Variants in ITIH4 observed in about 807,000 individuals in gnomAD.
ITIH4 encodes the protein inter-alpha-trypsin inhibitor heavy chain H4.
A neutral mutation model predicts 111.8 loss-of-function variants in ITIH4; 79 were observed. That is an observed-to-expected ratio of 0.71 (90% CI 0.59 to 0.85). ITIH4 has a LOEUF of 0.85. ITIH4 is among the 40% of genes least tolerant of loss of function. The probability of loss-of-function intolerance (pLI) is 0.00; values close to 1 mark genes in which losing one functional copy is unlikely to be tolerated. For missense variants in ITIH4, 1,065 were observed against 1,195.8 expected (o/e 0.89, Z 1.61); for synonymous variants, 472 against 468.3 (o/e 1.01, Z -0.10).
chr3:52,826,448 G>C, intron 5 of ITIH4, 93 bp downstream of exon 5: 1 of 907,372 alleles, frequency 1.1e-6, no homozygotes, highest in Non-Finnish European at 1.8e-6. Context: ...ACAGGAGGGA[G>C]AGCCCATCCT....
chr3:52,819,365 GC>G, intron 17 of ITIH4, 27 bp downstream of exon 17: 1 of 1,613,460 alleles, frequency 6.2e-7, no homozygotes, highest in Non-Finnish European at 8.5e-7. Flanking sequence ...GGAAACCGAG[GC>G]CCTCGCAGGG....
chr3:52,823,749 GTTGGGGGTGTCATAAAGGC>G lies in ITIH4; in HGVS notation c.1354-27_1354-9del, dbSNP rs1449117632. 1 of 1,614,108 alleles carries G rather than the reference GTTGGGGGTGTCATAAAGGC, an allele frequency of 6.2e-7. No individual in the cohort carries two copies. The highest frequency in any genetic ancestry group is 8.5e-7 in the Non-Finnish European group (1 of 1,179,976). ...CACTTCCTGGTAGAAGTCCTGCAGG[GTTGGGGGTGTCATAAAGGC>G]TGGGCTTTATGACTGCCCACTTCTC... On this transcript the variant is annotated splice_polypyrimidine_tract_variant and intron_variant, in intron 10 of 23. Transcript: ENST00000266041.
In ITIH4 at chr3:52,824,443, G is replaced by A. The variant is rs142248896; in HGVS notation, c.999C>T (p.Asn333=). 2.3e-4 allele frequency: 378 copies of A among 1,614,176 alleles called. 3 individuals carry two copies. Among genetic ancestry groups the A allele is most frequent in the South Asian group, 2.1e-3 (193 of 91,082 alleles). ...RPSLVPASAE[N]VNKARSFAAG... is the part of the protein sequence containing the mutation. The stretch of plus-strand genomic sequence containing the variant: ...CAGCAAAGCTCCTGGCCTTGTTCAC[G>A]TTCTCGGCTGAGGCTGGCACCAGTG... The change falls in exon 8 of 24, where the codon AAC becomes AAT. Residue 333 remains asparagine, a synonymous_variant. Transcript: ENST00000266041. This position sits in a 1 kb window ranked among gnomAD's most constrained non-coding sequence, Gnocchi z 4.3.
intron 2 of ITIH4, among the ~76,000 whole-genome samples, 164 bp from the exon 3 acceptor site, chr3:52,827,361 A>C (rs1700500420): frequency 6.6e-6 from 1 of 152,120 alleles, no homozygotes; most frequent in Non-Finnish European, 1.5e-5. Context: ...CGCATACAGG[A>C]CCCTGTGCAG....
intron 20 of ITIH4, 115 bp from the exon 21 acceptor site, chr3:52,817,173 T>C (rs1204113356): frequency 2.5e-6 from 2 of 792,500 alleles, no homozygotes; most frequent in African/African-American, 1.7e-5. Flanking sequence ...GCTCCCTCCC[T>C]CATCAGGAGG....
chr3:52,823,982 G>A lies in ITIH4; in HGVS notation c.1194C>T (p.Ile398=), dbSNP rs1700440081. 1 of 1,577,570 alleles carries A rather than the reference G, an allele frequency of 6.3e-7. No homozygotes were observed. Among genetic ancestry groups the A allele is most frequent in the Admixed American group, 1.8e-5 (1 of 55,772 alleles). Residue 398 remains isoleucine, a synonymous_variant, in exon 10 of 24, where the codon ATC becomes ATT. Coordinates refer to ENST00000266041, the MANE Select transcript of ITIH4 (RefSeq NM_002218.5). ...PTVGETNPRS[I]QNNVREAVSG... is the part of the protein sequence containing the mutation. ...TTACAGCTTCCCGCACGTTATTCTGGATGCTCCTGGGGTTAGTCTCCCCTG... is the reference window on the plus strand; with the variant it reads ...TTACAGCTTCCCGCACGTTATTCTGAATGCTCCTGGGGTTAGTCTCCCCTG...
At chr3:52,815,246 C>CTT (rs59772931) in intron 21 of ITIH4, among the ~76,000 whole-genome samples, 16 of 139,122 alleles carry the variant, frequency 1.2e-4, no homozygotes, top group South Asian at 6.8e-4. Flanking sequence ...TTTCTTTTTT[C>CTT]TTTTTTTTTT....
chr3:52,822,893 C>T (rs1410536482), intron 11 of ITIH4, among the ~76,000 whole-genome samples: 2 of 152,178 alleles, frequency 1.3e-5, no homozygotes, highest in African/African-American at 4.8e-5. Context: ...GAAGCCCTCC[C>T]TGATCCCCAG....
Position 52,824,480 on chromosome 3 carries a change from T to C in ITIH4, c.962A>G (p.Gln321Arg). The C allele has an allele frequency of 6.2e-7, 1 of 1,614,168 alleles. No individual in the cohort carries two copies. The highest frequency in any genetic ancestry group is 8.5e-7 in the Non-Finnish European group (1 of 1,180,032). ...GGCTGGCACCAGTGATGGCCTCCAC[T>C]GAGTTGCTTCTGTACTGAAGACGAT... ...NLIVFSTEATQWRPSLVPASA... is the reference protein window; with the variant it reads ...NLIVFSTEATRWRPSLVPASA... Residue 321 changes from glutamine to arginine, a missense_variant, in exon 8 of 24, where the codon CAG becomes CGG. Transcript: ENST00000266041. The surrounding 1 kb of genome is among the most constrained non-coding windows in gnomAD (Gnocchi z 4.3).
intron 23 of ITIH4, 105 bp downstream of exon 23, chr3:52,813,870 G>C (rs948994047): frequency 1.1e-6 from 1 of 875,364 alleles, no homozygotes; most frequent in Non-Finnish European, 1.9e-6. Context: ...ACTGTGTCTA[G>C]TTCCTGGGCA....
rs759263040 is a variant in ITIH4, at chr3:52,818,045, C to G, written c.2296+7G>C. 2 of 1,608,244 alleles carry G rather than the reference C, an allele frequency of 1.2e-6. No individual in the cohort carries two copies. Among genetic ancestry groups the G allele is most frequent in the Non-Finnish European group, 1.7e-6 (2 of 1,175,678 alleles). On this transcript the variant is annotated splice_region_variant and intron_variant, in intron 20 of 23. Transcript: ENST00000266041. ...TGTCTGGGTCTCTCTGGGTGTGCCTCTCTCACCTTGCTCAGGGTCTGAGAG... is the reference window on the plus strand; with the variant it reads ...TGTCTGGGTCTCTCTGGGTGTGCCTGTCTCACCTTGCTCAGGGTCTGAGAG...
At chr3:52,826,248 G>A (rs1700477763) in intron 5 of ITIH4, among the ~76,000 whole-genome samples, 1 of 152,204 alleles carries the variant, frequency 6.6e-6, no homozygotes, top group African/African-American at 2.4e-5. Context: ...CAGGATGTGT[G>A]CCATCCAACC....
Position 52,826,600 on chromosome 3 carries a change from T to C in ITIH4, c.571A>G (p.Ser191Gly). The stretch of plus-strand genomic sequence containing the variant: ...ACCAGCTGGTTGGTCATGAAGGTGC[T>C]CTCTGTCTCCAGAAAGCTGATGCCC... ...PQGISFLETESTFMTNQLVDA... is the reference protein window; with the variant it reads ...PQGISFLETEGTFMTNQLVDA... The change falls in exon 5 of 24, where the codon AGC (serine) becomes GGC (glycine). Residue 191 changes from serine (S) to glycine (G), a missense_variant. Coordinates refer to ENST00000266041, the MANE Select transcript of ITIH4 (RefSeq NM_002218.5). 6.2e-7 allele frequency: 1 copy of C among 1,614,060 alleles called. No homozygotes were observed. Among genetic ancestry groups the C allele is most frequent in the Non-Finnish European group, 8.5e-7 (1 of 1,179,972 alleles).
At chr3:52,814,758 ATTTTT>A (rs1330375409) in intron 21 of ITIH4, among the ~76,000 whole-genome samples, 1 of 152,028 alleles carries the variant, frequency 6.6e-6, no homozygotes, top group Non-Finnish European at 1.5e-5. Context: ...AGCTAATTTT[ATTTTT>A]AAGAGAGACA....
chr3:52,819,549 C>G (rs751570528), intron 16 of ITIH4, 31 bp from the exon 17 acceptor site: 2 of 1,613,736 alleles, frequency 1.2e-6, no homozygotes, highest in East Asian at 4.5e-5. Flanking sequence ...GCAGTCTTCT[C>G]TCAGGTGGGG....
At position 52,816,892 on chromosome 3, in the gene ITIH4, C is replaced by T; in HGVS notation, c.2463G>A (p.Val821=). ...AYKWKETLFS[V]MPGLKMTMDK... ...TCCAGCCTGGGCCTTACCCGGGCAT[C>T]ACTGAGAATAGCGTCTCCTTCCACT... The change falls in exon 21 of 24, where the codon GTG becomes GTA. Residue 821 remains valine (V), a synonymous_variant. Transcript: ENST00000266041. 6.2e-7 allele frequency: 1 copy of T among 1,613,578 alleles called. No individual in the cohort carries two copies. The highest frequency in any genetic ancestry group is 8.5e-7 in the Non-Finnish European group (1 of 1,179,748).
chr3:52,819,035 C>T (rs1423756567), intron 17 of ITIH4: 1 of 320,128 alleles, frequency 3.1e-6, no homozygotes, highest in Non-Finnish European at 5.9e-6. Context: ...CTAGGGTCCC[C>T]TCTGAACAAG....
chr3:52,821,829 G>A (rs1176031307), intron 11 of ITIH4, among the ~76,000 whole-genome samples: 1 of 152,164 alleles, frequency 6.6e-6, no homozygotes, highest in Non-Finnish European at 1.5e-5. Flanking sequence ...CTCCCTGAGT[G>A]GCCAAGAGAC....
rs747029090 is a variant in ITIH4, at chr3:52,820,330, AAGAG to A, written c.1835-17_1835-14del. 5.6e-6 allele frequency: 9 copies of A among 1,607,504 alleles called. No homozygotes were observed. Among genetic ancestry groups the A allele is most frequent in the Admixed American group, 3.3e-5 (2 of 59,766 alleles). ...CTGTTTCTACTTTCTGGATAAAACA[AAGAG>A]AGAGAGAGAGACAGACAGACAGAGA... is the stretch of plus-strand genomic sequence containing the variant. On this transcript the variant is annotated splice_polypyrimidine_tract_variant and intron_variant, in intron 13 of 23. Transcript: ENST00000266041.
Sources: gnomAD v4.1 joint callset for allele counts (sites outside exome capture counted in the v4.1 genomes callset) on GRCh38, gnomAD v4.1.1 for gene constraint, Gnocchi (gnomAD v3.1) non-coding constraint, MANE v1.5 for transcripts, NCBI Gene and HGNC (gene_info 2026-07-23, HGNC 2026-07-21) for gene names.